Variants in SKAP2 observed in about 807,000 individuals in gnomAD.
SKAP2 encodes the protein src kinase associated phosphoprotein 2.
Under a neutral mutation model 54.9 loss-of-function variants are expected in SKAP2, and 28 were observed. That is an observed-to-expected ratio of 0.51 (90% CI 0.38 to 0.70). SKAP2 has a LOEUF of 0.70. Among genes scored for constraint, SKAP2 ranks in the 30% least tolerant of loss-of-function variants. The pLI, the probability that SKAP2 is intolerant of heterozygous loss-of-function variation, is 0.00. For missense variants in SKAP2, 356 were observed against 424.1 expected, an observed-to-expected ratio of 0.84 and a Z score of 1.41; for synonymous variants, 137 against 134.3, an observed-to-expected ratio of 1.02 and a Z score of -0.14.
At chr7:26,788,230 T>C (rs1783598888) in intron 4 of SKAP2, among the ~76,000 whole-genome samples, 2 of 152,256 alleles carry the variant, frequency 1.3e-5, no homozygotes, top group Non-Finnish European at 2.9e-5. Context: ...GATCATTTCA[T>C]ATTGTTATGA....
chr7:26,743,136 T>C (rs748789249), intron 4 of SKAP2, among the ~76,000 whole-genome samples: 1 of 152,176 alleles, frequency 6.6e-6, no homozygotes, highest in Non-Finnish European at 1.5e-5. Flanking sequence ...GAACAGTCAA[T>C]TATACAACAT....
chr7:26,699,387 A>G (rs1295100805), intron 9 of SKAP2, among the ~76,000 whole-genome samples: 1 of 152,192 alleles, frequency 6.6e-6, no homozygotes, highest in African/African-American at 2.4e-5. Flanking sequence ...AAAGCTGTAA[A>G]AATGTAAACA....
At chr7:26,702,992 G>A (rs2127946756) in intron 9 of SKAP2, among the ~76,000 whole-genome samples, 1 of 152,328 alleles carries the variant, frequency 6.6e-6, no homozygotes, top group South Asian at 2.1e-4. Flanking sequence ...CCAGATTGCT[G>A]TGCCCCATGC....
At chr7:26,680,848 A>G (rs916936272) in intron 11 of SKAP2, among the ~76,000 whole-genome samples, 1 of 152,186 alleles carries the variant, frequency 6.6e-6, no homozygotes, top group Non-Finnish European at 1.5e-5. Flanking sequence ...TAATTGGAAA[A>G]TGTTAAAAAG....
chr7:26,734,127 G>A (rs1787875404), intron 6 of SKAP2, among the ~76,000 whole-genome samples: 1 of 152,194 alleles, frequency 6.6e-6, no homozygotes, highest in Non-Finnish European at 1.5e-5. Context: ...TGGAGGCAGA[G>A]AGATCTGCAT....
intron 9 of SKAP2, among the ~76,000 whole-genome samples, chr7:26,691,818 C>T (rs1472575150): frequency 6.6e-6 from 1 of 152,124 alleles, no homozygotes; most frequent in Non-Finnish European, 1.5e-5. Context: ...AAGAAAAAGG[C>T]ATGTTCATAT....
chr7:26,709,444 C>T (rs866350800), intron 9 of SKAP2, among the ~76,000 whole-genome samples: 1 of 152,268 alleles, frequency 6.6e-6, no homozygotes. Flanking sequence ...TGAATCTTAA[C>T]CTCAGCCTTC....
rs114873579 is a variant in SKAP2 at position 26,790,057 on chromosome 7, G to A, written c.308-50093C>T. Among the ~76,000 whole-genome samples the A allele has an allele frequency of 5.6e-3, 856 of 152,216 alleles. 10 individuals are homozygous for A. Among genetic ancestry groups the A allele is most frequent in the African/African-American group, 0.02 (817 of 41,532 alleles). ...CAGCTGATGGCCAGTATGTACTACC[G>A]CTTGCACACTGGCCAGCCCAAAGTG... On this transcript the variant is annotated intron_variant, in intron 4 of 12. Coordinates refer to ENST00000345317, the MANE Select transcript of SKAP2 (RefSeq NM_003930.5).
intron 4 of SKAP2, among the ~76,000 whole-genome samples, chr7:26,805,503 TA>T (rs1295168701): frequency 2.6e-5 from 4 of 152,042 alleles, no homozygotes; most frequent in Non-Finnish European, 5.9e-5. Flanking sequence ...GACTAGGTCA[TA>T]AAAAAATATA....
downstream of SKAP2, among the ~76,000 whole-genome samples, chr7:26,665,849 G>A (rs905513155): frequency 2.6e-5 from 4 of 152,066 alleles, no homozygotes; most frequent in African/African-American, 9.7e-5. Context: ...AAACTGTTGT[G>A]CATTTGAGTA....
intron 5 of SKAP2, 109 bp from the exon 6 acceptor site, chr7:26,738,987 G>C (rs921358972): frequency 7.1e-6 from 5 of 707,338 alleles, no homozygotes; most frequent in Non-Finnish European, 1.2e-5. Flanking sequence ...TGACTAATTT[G>C]TATCTTCTTT....
At chr7:26,716,246 T>G (rs1787434633) in intron 9 of SKAP2, among the ~76,000 whole-genome samples, 1 of 152,234 alleles carries the variant, frequency 6.6e-6, no homozygotes. Context: ...AATTTCCCAC[T>G]ATGATTAAGA....
chr7:26,817,734 CAA>C (rs1584407328), intron 4 of SKAP2, among the ~76,000 whole-genome samples: 1 of 152,158 alleles, frequency 6.6e-6, no homozygotes, highest in Admixed American at 6.5e-5. Flanking sequence ...GCAACTTCAG[CAA>C]AGTCTCAGGA....
intron 4 of SKAP2, among the ~76,000 whole-genome samples, chr7:26,788,216 C>T (rs1435447584): frequency 6.6e-6 from 1 of 152,144 alleles, no homozygotes; most frequent in African/African-American, 2.4e-5. Context: ...TGAAAGCTGA[C>T]TGCGATCATT....
chr7:26,695,813 C>A (rs1178984105), intron 9 of SKAP2, among the ~76,000 whole-genome samples: 1 of 152,194 alleles, frequency 6.6e-6, no homozygotes, highest in African/African-American at 2.4e-5. Context: ...GCTTTTAACA[C>A]ACTCCTCTGT....
At chr7:26,829,032 AAAATAAAT>A (rs1212170043) in intron 4 of SKAP2, among the ~76,000 whole-genome samples, 1 of 152,204 alleles carries the variant, frequency 6.6e-6, no homozygotes, top group African/African-American at 2.4e-5. Context: ...CTGTCTCAAA[AAAATAAAT>A]AAATAAAGTA....
intron 4 of SKAP2, among the ~76,000 whole-genome samples, chr7:26,826,038 G>A (rs1018058966): frequency 6.6e-6 from 1 of 151,838 alleles, no homozygotes; most frequent in Non-Finnish European, 1.5e-5. Context: ...AATCTCCATG[G>A]GGATCAGGTG....
At chr7:26,851,175 T>C (rs75385197) in intron 3 of SKAP2, among the ~76,000 whole-genome samples, 1 of 151,408 alleles carries the variant, frequency 6.6e-6, no homozygotes, top group Non-Finnish European at 1.5e-5. Context: ...ATCCATCACT[T>C]TGGGAGGCTG....
chr7:26,676,173 T>A (rs1434004564), intron 11 of SKAP2, among the ~76,000 whole-genome samples: 1 of 152,218 alleles, frequency 6.6e-6, no homozygotes, highest in Non-Finnish European at 1.5e-5. Context: ...GAATTCCCTT[T>A]ATAAAATCTT....
Sources: allele counts gnomAD v4.1 joint callset (sites outside exome capture counted in the v4.1 genomes callset), GRCh38; gene constraint gnomAD v4.1.1; transcripts MANE v1.5; gene names NCBI Gene and HGNC (gene_info 2026-07-23, HGNC 2026-07-21).